ESRRG: variants seen among roughly 807,000 people sequenced by gnomAD.
ESRRG encodes estrogen related receptor gamma.
ESRRG carries 13 observed loss-of-function variants against 44.0 expected under a neutral mutation model. That is an observed-to-expected ratio of 0.30 (90% CI 0.19 to 0.47). The LOEUF is 0.47. ESRRG is among the 20% of genes least tolerant of loss of function. The pLI is 1.00. For synonymous variants in ESRRG, 215 were observed against 214.6 expected, an observed-to-expected ratio of 1.00 and a Z score of -0.02; for missense variants, 395 against 580.6, an observed-to-expected ratio of 0.68 and a Z score of 3.29.
At chr1:216,523,191 T>G (rs906116992) in intron 5 of ESRRG, among the ~76,000 whole-genome samples, 1 of 152,164 alleles carries the variant, frequency 6.6e-6, no homozygotes, top group African/African-American at 2.4e-5. Context: ...CTCGGATCTC[T>G]CTTCATCTCT....
At chr1:216,618,041 C>G (rs2061657736) in intron 3 of ESRRG, among the ~76,000 whole-genome samples, 1 of 152,066 alleles carries the variant, frequency 6.6e-6, no homozygotes, top group Non-Finnish European at 1.5e-5. Context: ...TATATTTAAC[C>G]ATCAAAAAAT....
chr1:216,853,870 T>C (rs1282691767), intron 2 of ESRRG, among the ~76,000 whole-genome samples: 1 of 152,220 alleles, frequency 6.6e-6, no homozygotes, highest in Non-Finnish European at 1.5e-5. Flanking sequence ...TATCTTTTCA[T>C]TGGACATACA....
At chr1:217,120,417 C>T (rs996466134) in intron 1 of ESRRG, among the ~76,000 whole-genome samples, 2 of 151,576 alleles carry the variant, frequency 1.3e-5, no homozygotes, top group Admixed American at 6.6e-5. Context: ...ATCCAATCAG[C>T]TAATACTCAA....
chr1:217,035,548 C>T (rs995437906), intron 1 of ESRRG, among the ~76,000 whole-genome samples: 1 of 151,828 alleles, frequency 6.6e-6, no homozygotes, highest in Admixed American at 6.6e-5. Context: ...CAGCCCTTTC[C>T]AAATGTGTCT....
At chr1:216,600,665 A>T (rs1343549457) in intron 3 of ESRRG, among the ~76,000 whole-genome samples, 7 of 150,682 alleles carry the variant, frequency 4.6e-5, no homozygotes, top group Admixed American at 2.0e-4. Flanking sequence ...ATAAAGTCTT[A>T]AAAAAAAATC....
At chr1:217,102,060 C>T (rs2092523104) in intron 1 of ESRRG, among the ~76,000 whole-genome samples, 1 of 152,208 alleles carries the variant, frequency 6.6e-6, no homozygotes, top group African/African-American at 2.4e-5. Context: ...CCCGCTTCGG[C>T]CTCCCAAAGT....
intron 1 of ESRRG, among the ~76,000 whole-genome samples, chr1:216,960,353 C>G (rs1476763544): frequency 6.6e-6 from 1 of 152,158 alleles, no homozygotes; most frequent in Non-Finnish European, 1.5e-5. Flanking sequence ...GACCCTTCCT[C>G]AATTCCATTC....
intron 5 of ESRRG, among the ~76,000 whole-genome samples, chr1:216,538,186 T>C (rs1263734094): frequency 6.6e-6 from 1 of 152,110 alleles, no homozygotes; most frequent in Admixed American, 6.6e-5. Context: ...ATCTCTTCTA[T>C]GATATCAAAA....
chr1:216,507,243 T>C, intron 6 of ESRRG, 60 bp from the exon 7 acceptor site: 1 of 1,147,108 alleles, frequency 8.7e-7, no homozygotes. Context: ...CTATGTAGAC[T>C]AGAGTTATAA....
chr1:217,099,487 T>C (rs557193000), intron 1 of ESRRG, among the ~76,000 whole-genome samples: 1 of 152,312 alleles, frequency 6.6e-6, no homozygotes, highest in East Asian at 1.9e-4. Context: ...TTTCCAACAG[T>C]ATCTATGAAA....
At chr1:216,912,315 A>AGAAGGAAGGAAG in intron 2 of ESRRG, among the ~76,000 whole-genome samples, 1 of 92,478 alleles carries the variant, frequency 1.1e-5, no homozygotes, top group East Asian at 3.4e-4. Flanking sequence ...AGGGAAGGAC[A>AGAAGGAAGGAAG]GAAGGAAGGA....
intron 1 of ESRRG, chr1:216,682,133 C>G (rs772236767): frequency 1.3e-5 from 2 of 152,130 alleles, no homozygotes; most frequent in African/African-American, 4.8e-5. Context: ...TTACACAGAT[C>G]TTGAATTCAT....
chr1:216,667,191 C>G (rs2074123058), intron 2 of ESRRG, among the ~76,000 whole-genome samples: 1 of 152,136 alleles, frequency 6.6e-6, no homozygotes, highest in African/African-American at 2.4e-5. Flanking sequence ...ATTTTATTTT[C>G]TGAGTGCAGA....
At chr1:216,864,556 AC>A (rs2096114957) in intron 2 of ESRRG, 1 of 133,174 alleles carries the variant, frequency 7.5e-6, no homozygotes, top group South Asian at 2.2e-4. Context: ...AAATAAAAAA[AC>A]AAAAATAATA....
rs536689816 is a variant in ESRRG at position 216,521,409 on chromosome 1, A to G, written c.863-1988T>C. ...AATGCAAATCCAAATATCAATCTCA[A>G]GAAAACATACTAAGTAAGAATTTCT... On this transcript the variant is annotated intron_variant, in intron 5 of 6. Coordinates refer to ENST00000408911, the MANE Select transcript of ESRRG (RefSeq NM_001438.4). Among the ~76,000 whole-genome samples, 63 of 152,236 alleles carry G rather than the reference A, an allele frequency of 4.1e-4. 2 individuals are homozygous for G. The South Asian group carries it at 0.012, about 30-fold the overall frequency.
At chr1:217,053,516 G>A (rs1314595114) in intron 1 of ESRRG, among the ~76,000 whole-genome samples, 1 of 140,040 alleles carries the variant, frequency 7.1e-6, no homozygotes, top group Non-Finnish European at 1.6e-5. Context: ...GCTGTAATGG[G>A]GTTGCAAAAA....
intron 1 of ESRRG, among the ~76,000 whole-genome samples, chr1:217,111,423 T>A (rs2092659927): frequency 6.6e-6 from 1 of 152,164 alleles, no homozygotes; most frequent in Non-Finnish European, 1.5e-5. Context: ...GGGTGGACTA[T>A]CCAGCTGTAA....
At chr1:217,103,503 A>G (rs2092548840) in intron 1 of ESRRG, among the ~76,000 whole-genome samples, 1 of 151,584 alleles carries the variant, frequency 6.6e-6, no homozygotes, top group Admixed American at 6.6e-5. Flanking sequence ...AAAATCAAAA[A>G]AAGGTCAGCC....
In ESRRG at chr1:216,504,117, ATCTCAGGTTTTCAGTTGGTTGGC is replaced by A. The variant is rs2040814210; in HGVS notation, c.*2799_*2821del. Reference sequence around the variant, plus strand: ...TATCTCATTCTTTGAACATATCTCCATCTCAGGTTTTCAGTTGGTTGGCTCTTACTTCTGAAGCCCAAGTACTT... The same window carrying A: ...TATCTCATTCTTTGAACATATCTCCATCTTACTTCTGAAGCCCAAGTACTT... On this transcript the variant is annotated 3_prime_UTR_variant, in exon 7 of 7. Coordinates refer to ENST00000408911, the MANE Select transcript of ESRRG (RefSeq NM_001438.4). The A allele has an allele frequency of 6.6e-6, 1 of 152,492 alleles. No homozygotes were observed. 9.4% of individuals were successfully genotyped at this position (152,492 alleles called of 1,614,324 possible).
Sources: gnomAD v4.1 joint callset for allele counts (sites outside exome capture counted in the v4.1 genomes callset) on GRCh38, gnomAD v4.1.1 for gene constraint, MANE v1.5 for transcripts, NCBI Gene and HGNC (gene_info 2026-07-23, HGNC 2026-07-21) for gene names.